The following DPYD variants were observed in gnomAD, a reference collection of about 807,000 sequenced individuals.
DPYD encodes the protein dihydropyrimidine dehydrogenase [NADP(+)].
A neutral mutation model predicts 116.2 loss-of-function variants in DPYD; 109 were observed. The ratio of observed to expected loss-of-function variants is 0.94; its 90% CI spans 0.80 to 1.10. The LOEUF (loss-of-function observed/expected upper bound fraction) is 1.10. Ranked by LOEUF, DPYD falls within the 50% of genes least tolerant of loss-of-function variation. The probability of loss-of-function intolerance (pLI) is 0.00; values close to 1 mark genes in which losing one functional copy is unlikely to be tolerated. For synonymous variants in DPYD, 440 were observed against 432.0 expected, an observed-to-expected ratio of 1.02 and a Z score of -0.23; for missense variants, 1,302 against 1,254.5, an observed-to-expected ratio of 1.04 and a Z score of -0.57.
chr1:97,815,489 G>C (rs1443202771), intron 3 of DPYD, among the ~76,000 whole-genome samples: 2 of 152,122 alleles, frequency 1.3e-5, no homozygotes, highest in African/African-American at 2.4e-5. Context: ...CTTAAGCCTA[G>C]GAGGAAAAAT....
At chr1:97,775,705 C>G (rs1164521720) in intron 3 of DPYD, among the ~76,000 whole-genome samples, 1 of 152,086 alleles carries the variant, frequency 6.6e-6, no homozygotes, top group South Asian at 2.1e-4. Flanking sequence ...TGTCTTCCTC[C>G]TCAGGATGTC....
intron 16 of DPYD, among the ~76,000 whole-genome samples, chr1:97,361,152 C>T (rs926843123): frequency 9.2e-5 from 14 of 151,914 alleles, no homozygotes; most frequent in Admixed American, 8.5e-4. Context: ...AAATACAAAC[C>T]ACCATCAGAG....
chr1:97,163,617 G>A (rs1467621722), intron 20 of DPYD, among the ~76,000 whole-genome samples: 1 of 152,160 alleles, frequency 6.6e-6, no homozygotes, highest in African/African-American at 2.4e-5. Context: ...TTTCTAGATA[G>A]CGCCTTGTTG....
intron 18 of DPYD, among the ~76,000 whole-genome samples, chr1:97,253,786 A>C (rs1663264677): frequency 6.6e-6 from 1 of 152,100 alleles, no homozygotes; most frequent in Non-Finnish European, 1.5e-5. Context: ...TAAAAAATAA[A>C]CCTTTATTTT....
At chr1:97,349,399 G>C (rs935148215) in intron 16 of DPYD, among the ~76,000 whole-genome samples, 2 of 151,618 alleles carry the variant, frequency 1.3e-5, no homozygotes, top group Non-Finnish European at 2.9e-5. Context: ...ACAACGTGCA[G>C]GTTTGTTACA....
intron 2 of DPYD, among the ~76,000 whole-genome samples, chr1:97,853,732 GATC>G (rs1177892980): frequency 2.6e-5 from 4 of 152,290 alleles, no homozygotes; most frequent in Admixed American, 6.5e-5. Context: ...GATAACAAGA[GATC>G]ATCAGATAAT....
intron 10 of DPYD, among the ~76,000 whole-genome samples, chr1:97,586,657 G>A (rs1230807465): frequency 6.6e-6 from 1 of 151,362 alleles, no homozygotes; most frequent in African/African-American, 2.4e-5. Flanking sequence ...TTTAAAATAT[G>A]TAATCTTAAA....
At chr1:97,511,130 T>C (rs1453491581) in intron 13 of DPYD, among the ~76,000 whole-genome samples, 1 of 151,902 alleles carries the variant, frequency 6.6e-6, no homozygotes, top group Non-Finnish European at 1.5e-5. Flanking sequence ...TGAGCCCAAA[T>C]TGCCAACCCA....
chr1:97,538,976 T>C (rs1160117698), intron 12 of DPYD, among the ~76,000 whole-genome samples: 2 of 152,162 alleles, frequency 1.3e-5, no homozygotes, highest in African/African-American at 4.8e-5. Flanking sequence ...ACTATAGGAA[T>C]ACAGCATATT....
intron 11 of DPYD, among the ~76,000 whole-genome samples, chr1:97,554,257 A>T (rs1651526472): frequency 6.6e-6 from 1 of 152,152 alleles, no homozygotes; most frequent in South Asian, 2.1e-4. Flanking sequence ...ACCCACAAGC[A>T]TATGACAAGT....
At chr1:97,448,226 G>A (rs1222688836) in intron 14 of DPYD, among the ~76,000 whole-genome samples, 2 of 152,046 alleles carry the variant, frequency 1.3e-5, no homozygotes, top group African/African-American at 2.4e-5. Context: ...AAAAAAAAAT[G>A]TAATACTGAA....
chr1:97,482,462 C>A (rs1232291765), intron 13 of DPYD, among the ~76,000 whole-genome samples: 1 of 152,146 alleles, frequency 6.6e-6, no homozygotes, highest in Non-Finnish European at 1.5e-5. Context: ...GATACCGTTT[C>A]CATGTGAGTG....
chr1:97,155,378 T>C (rs1655367488), intron 20 of DPYD, among the ~76,000 whole-genome samples: 1 of 152,180 alleles, frequency 6.6e-6, no homozygotes, highest in Admixed American at 6.5e-5. Context: ...CTGGATTCTG[T>C]ATGAAACCAG....
At chr1:97,861,978 A>T (rs554635316) in intron 2 of DPYD, among the ~76,000 whole-genome samples, 91 of 151,494 alleles carry the variant, frequency 6.0e-4, no homozygotes, top group African/African-American at 1.9e-3. Context: ...GATGTCATAA[A>T]GTAAGAAATG....
At chr1:97,224,720 C>CA (rs1350253893) in intron 19 of DPYD, among the ~76,000 whole-genome samples, 1 of 144,676 alleles carries the variant, frequency 6.9e-6, no homozygotes, top group Admixed American at 7.0e-5. Flanking sequence ...AAGTAGTCAA[C>CA]TTTTTTTTTT....
At chr1:97,103,044 G>C (rs1336025832) in intron 20 of DPYD, among the ~76,000 whole-genome samples, 4 of 151,988 alleles carry the variant, frequency 2.6e-5, no homozygotes, top group African/African-American at 4.8e-5. Flanking sequence ...GAGAGCATGG[G>C]TTCTCTGAGT....
chr1:97,790,540 C>T (rs192151139), intron 3 of DPYD, among the ~76,000 whole-genome samples: 11 of 152,280 alleles, frequency 7.2e-5, no homozygotes, highest in Admixed American at 7.2e-4. Context: ...GGTTCTCTTA[C>T]TTTTCTGACA....
chr1:97,123,027 T>G (rs1652568441), intron 20 of DPYD, among the ~76,000 whole-genome samples: 1 of 152,110 alleles, frequency 6.6e-6, no homozygotes, highest in African/African-American at 2.4e-5. Context: ...GATCAGACCA[T>G]CCTCTATTAT....
chr1:97,571,445 T>A (rs935447723), intron 11 of DPYD, among the ~76,000 whole-genome samples: 4 of 151,906 alleles, frequency 2.6e-5, no homozygotes, highest in Admixed American at 6.6e-5. Flanking sequence ...ATTCTTAACA[T>A]TATCAATCAT....
Sources: gnomAD v4.1 joint callset for allele counts (sites outside exome capture counted in the v4.1 genomes callset) on GRCh38, gnomAD v4.1.1 for gene constraint, MANE v1.5 for transcripts, NCBI Gene and HGNC (gene_info 2026-07-23, HGNC 2026-07-21) for gene names.